Variants in ACMSD observed in about 807,000 individuals in gnomAD.
ACMSD encodes the protein aminocarboxymuconate semialdehyde decarboxylase, also known as 2-amino-3-carboxymuconate-6-semialdehyde decarboxylase.
A neutral mutation model predicts 45.9 loss-of-function variants in ACMSD; 37 were observed. The observed-to-expected ratio is 0.81, with a 90% CI of 0.62 to 1.06. ACMSD has a LOEUF of 1.06. Ranked by LOEUF, ACMSD falls within the 50% of genes least tolerant of loss-of-function variation. The pLI, the probability that ACMSD is intolerant of heterozygous loss-of-function variation, is 0.00. For synonymous variants in ACMSD, 138 were observed against 148.8 expected, an observed-to-expected ratio of 0.93 and a Z score of 0.53; for missense variants, 434 against 420.9, an observed-to-expected ratio of 1.03 and a Z score of -0.27.
intron 4 of ACMSD, among the ~76,000 whole-genome samples, chr2:134,862,675 T>C (rs1364583751): frequency 2.0e-5 from 3 of 152,228 alleles, no homozygotes; most frequent in African/African-American, 7.2e-5. Flanking sequence ...GACTCAGTCT[T>C]TGCCTGTTCC....
At chr2:134,900,876 T>C (rs989259179) in intron 9 of ACMSD, among the ~76,000 whole-genome samples, 2 of 152,156 alleles carry the variant, frequency 1.3e-5, no homozygotes, top group Non-Finnish European at 2.9e-5. Context: ...GGATCAGATC[T>C]CCATCCAACA....
Position 134,838,619 on chromosome 2 carries a change from GT to G in ACMSD, c.-60del. ...ACTAAGTAAATCAATTAACTCCACA[GT>G]TTTCACAAAGGTCTCTTGATATCAA... On this transcript the variant is annotated 5_prime_UTR_variant, in exon 1 of 10. Transcript: ENST00000356140. 6.9e-7 allele frequency: 1 copy of G among 1,447,886 alleles called. No individual in the cohort carries two copies. The highest frequency in any genetic ancestry group is 9.6e-7 in the Non-Finnish European group (1 of 1,039,246). 89.7% of individuals were successfully genotyped at this position (1,447,886 alleles called of 1,614,324 possible). A position where few individuals can be genotyped will look rare whatever the true frequency, so the allele number is the denominator to read the frequency against.
chr2:134,886,978 A>G (rs1261226424), intron 8 of ACMSD, among the ~76,000 whole-genome samples: 1 of 152,242 alleles, frequency 6.6e-6, no homozygotes, highest in East Asian at 1.9e-4. Context: ...AAACTTTTAA[A>G]CAATTCAATT....
At chr2:134,879,564 CA>C (rs1225835184) in intron 8 of ACMSD, among the ~76,000 whole-genome samples, 2 of 152,170 alleles carry the variant, frequency 1.3e-5, no homozygotes, top group African/African-American at 4.8e-5. Flanking sequence ...CTATCTCATT[CA>C]TTTTCTCTGG....
At chr2:134,871,791 A>C (rs1688458823) in intron 7 of ACMSD, among the ~76,000 whole-genome samples, 1 of 151,982 alleles carries the variant, frequency 6.6e-6, no homozygotes, top group Non-Finnish European at 1.5e-5. Flanking sequence ...AGGTCAACAA[A>C]TACAGAGCTT....
At chr2:134,878,895 A>G (rs1688891719) in intron 8 of ACMSD, among the ~76,000 whole-genome samples, 2 of 152,248 alleles carry the variant, frequency 1.3e-5, no homozygotes, top group South Asian at 4.1e-4. Context: ...ATCTCTGAGA[A>G]AAGCCCTTCT....
At chr2:134,854,328 T>C (rs1445398548) in intron 2 of ACMSD, among the ~76,000 whole-genome samples, 1 of 152,156 alleles carries the variant, frequency 6.6e-6, no homozygotes, top group African/African-American at 2.4e-5. Context: ...TTAGTTTAAT[T>C]AGAAAAACAG....
intron 7 of ACMSD, among the ~76,000 whole-genome samples, chr2:134,871,651 G>A (rs1688442456): frequency 6.8e-6 from 1 of 146,750 alleles, no homozygotes; most frequent in South Asian, 2.2e-4. Context: ...GGTCCCCATA[G>A]GTAGTTGAAT....
chr2:134,840,432 TC>T (rs1186810946), intron 1 of ACMSD, among the ~76,000 whole-genome samples: 1 of 151,716 alleles, frequency 6.6e-6, no homozygotes, highest in African/African-American at 2.4e-5. Context: ...AATGTGTATG[TC>T]CCCCCCAAAA....
chr2:134,869,318 T>C (rs1688299443), intron 6 of ACMSD, among the ~76,000 whole-genome samples: 1 of 152,114 alleles, frequency 6.6e-6, no homozygotes, highest in Non-Finnish European at 1.5e-5. Context: ...GTTCAAGTGA[T>C]TCTCCTGCCT....
intron 3 of ACMSD, among the ~76,000 whole-genome samples, chr2:134,861,296 G>A (rs1317399955): frequency 6.6e-6 from 1 of 152,150 alleles, no homozygotes; most frequent in Non-Finnish European, 1.5e-5. Flanking sequence ...AATGACTGGT[G>A]TCAGAAACCA....
chr2:134,845,323 C>T, intron 2 of ACMSD, 46 bp downstream of exon 2: 2 of 1,610,130 alleles, frequency 1.2e-6, no homozygotes, highest in South Asian at 1.1e-5. Flanking sequence ...TCAGGGAGAG[C>T]TGAGCCATGG....
At chr2:134,857,492 G>A (rs1168880631) in intron 2 of ACMSD, among the ~76,000 whole-genome samples, 1 of 152,082 alleles carries the variant, frequency 6.6e-6, no homozygotes, top group Non-Finnish European at 1.5e-5. Context: ...TTTGCAGATT[G>A]TTAACATACA....
Position 134,847,545 on chromosome 2 carries a change from G to A in ACMSD, c.102+2268G>A, listed in dbSNP as rs542795800. On this transcript the variant is annotated intron_variant, in intron 2 of 9. Coordinates refer to ENST00000356140, the MANE Select transcript of ACMSD (RefSeq NM_138326.3). ...TACATAGGTATACAAGTGCCATGGT[G>A]GTTCACTGCACCCATCAACTCGTCA... Among the ~76,000 whole-genome samples the A allele has an allele frequency of 3.3e-5, 5 of 152,254 alleles. No homozygotes were observed. In the East Asian group the frequency reaches 9.7e-4, roughly 29 times the overall value.
At chr2:134,862,584 C>T (rs565726108) in intron 4 of ACMSD, among the ~76,000 whole-genome samples, 6 of 152,244 alleles carry the variant, frequency 3.9e-5, no homozygotes, top group Non-Finnish European at 5.9e-5. Context: ...TACTCACTCT[C>T]GTGATTTAAG....
intron 6 of ACMSD, among the ~76,000 whole-genome samples, chr2:134,868,437 C>T (rs1573659071): frequency 6.8e-6 from 1 of 147,600 alleles, no homozygotes; most frequent in South Asian, 2.1e-4. Flanking sequence ...ATGAAAAGTG[C>T]TGGATATTTT....
At chr2:134,841,642 A>G (rs183829296) in intron 1 of ACMSD, among the ~76,000 whole-genome samples, 51 of 152,296 alleles carry the variant, frequency 3.3e-4, no homozygotes, top group Admixed American at 7.2e-4. Flanking sequence ...GTGGTGAAAG[A>G]TGTTTCAGGT....
intron 6 of ACMSD, 157 bp downstream of exon 6, chr2:134,867,829 C>T: frequency 2.2e-6 from 1 of 462,318 alleles, no homozygotes; most frequent in Non-Finnish European, 3.9e-6. Flanking sequence ...TGGATTAATG[C>T]TATATATATA....
At chr2:134,886,246 A>ATTATTATTATTATTATTTTTTTTT in intron 8 of ACMSD, among the ~76,000 whole-genome samples, 3 of 115,450 alleles carry the variant, frequency 2.6e-5, no homozygotes, top group South Asian at 2.6e-4. Flanking sequence ...TATTATTATT[A>ATTATTATTATTATTATTTTTTTTT]TTTTTTTTTT....
Sources: gnomAD v4.1 joint callset for allele counts (sites outside exome capture counted in the v4.1 genomes callset) on GRCh38, gnomAD v4.1.1 for gene constraint, MANE v1.5 for transcripts, NCBI Gene and HGNC (gene_info 2026-07-23, HGNC 2026-07-21) for gene names.